The following NSMAF variants were observed in gnomAD, a reference collection of about 807,000 sequenced individuals.
NSMAF encodes neutral sphingomyelinase activation associated factor, also known as protein FAN.
NSMAF carries 90 observed loss-of-function variants against 134.9 expected under a neutral mutation model. The observed-to-expected ratio is 0.67, with a 90% CI of 0.56 to 0.79. The LOEUF is 0.79. NSMAF is among the 30% of genes least tolerant of loss of function. The pLI is 0.00. For synonymous variants in NSMAF, 358 were observed against 389.6 expected, an observed-to-expected ratio of 0.92 and a Z score of 0.96; for missense variants, 1,010 against 1,119.0, an observed-to-expected ratio of 0.90 and a Z score of 1.39.
At chr8:58,591,730 G>A (rs550658020) in intron 23 of NSMAF, among the ~76,000 whole-genome samples, 5 of 151,816 alleles carry the variant, frequency 3.3e-5, no homozygotes, top group Non-Finnish European at 7.4e-5. Flanking sequence ...CAAGTGATCC[G>A]CCCCCTTCGG....
intron 1 of NSMAF, among the ~76,000 whole-genome samples, chr8:58,643,796 G>C (rs1807386305): frequency 6.6e-6 from 1 of 152,132 alleles, no homozygotes; most frequent in Admixed American, 6.5e-5. Context: ...CTCCCAAAGT[G>C]CTGGGATTAC....
intron 1 of NSMAF, among the ~76,000 whole-genome samples, chr8:58,646,392 C>A (rs1315523190): frequency 6.6e-6 from 1 of 152,108 alleles, no homozygotes; most frequent in Non-Finnish European, 1.5e-5. Flanking sequence ...TTCTATGATG[C>A]ACAAGTAGCC....
In NSMAF at chr8:58,597,875, C is replaced by A; in HGVS notation, c.1613G>T (p.Gly538Val). Residue 538 changes from glycine (G) to valine (V), a missense_variant, in exon 20 of 31, where the codon GGT becomes GTT. Transcript: ENST00000038176. ...ATATAAGTACCTGTTCAAGTCTACA[C>A]CTCCTTCATAGGTCAGGGGATGAAA... ...NVFHPLTYEG[G>V]VDLNSIQDPD... The A allele has an allele frequency of 6.2e-7, 1 of 1,605,784 alleles. No individual in the cohort carries two copies.
At chr8:58,659,142 C>T in intron 1 of NSMAF, 2 of 1,362,062 alleles carry the variant, frequency 1.5e-6, no homozygotes, top group South Asian at 1.6e-5. Flanking sequence ...AGTGCCTGGA[C>T]CCGATTAAGG....
chr8:58,622,192 C>T (rs1051825385), intron 9 of NSMAF, among the ~76,000 whole-genome samples: 1 of 152,056 alleles, frequency 6.6e-6, no homozygotes, highest in African/African-American at 2.4e-5. Flanking sequence ...GAATTTTAAA[C>T]GGGCAGGTGA....
At chr8:58,589,225 TATAA>T (rs1410510840) in intron 26 of NSMAF, among the ~76,000 whole-genome samples, 1 of 147,646 alleles carries the variant, frequency 6.8e-6, no homozygotes. Context: ...ATAAATAATA[TATAA>T]ATATATATTA....
At position 58,623,304 on chromosome 8, in the gene NSMAF, ATAAG is replaced by A. The variant is rs769401589; in HGVS notation, c.505-36_505-33del. ...AAACAGAACCAGAAAAAAAGTATTT[ATAAG>A]TATTTATAAGTAAAATATCAATACA... On this transcript the variant is annotated intron_variant, in intron 8 of 30. Transcript: ENST00000038176. The A allele has an allele frequency of 1.3e-4, 212 of 1,596,800 alleles. 1 individual carries two copies. In the East Asian group the frequency reaches 4.7e-3, roughly 35 times the overall value.
intron 23 of NSMAF, 134 bp downstream of exon 23, chr8:58,594,098 C>A: frequency 1.4e-6 from 1 of 692,430 alleles, no homozygotes; most frequent in Non-Finnish European, 2.5e-6. Context: ...TAATGTACCA[C>A]AAAGGAACTG....
At chr8:58,616,348 G>C (rs781158603) in intron 9 of NSMAF, among the ~76,000 whole-genome samples, 1 of 151,838 alleles carries the variant, frequency 6.6e-6, no homozygotes, top group African/African-American at 2.4e-5. Context: ...CATCAATATA[G>C]ATATAAAAAT....
At chr8:58,597,571 A>G (rs1328349638) in intron 20 of NSMAF, 21 bp from the exon 21 acceptor site, 2 of 1,612,034 alleles carry the variant, frequency 1.2e-6, no homozygotes, top group African/African-American at 1.3e-5. Flanking sequence ...GAACACAAAT[A>G]ATGCAGTGAA....
At chr8:58,643,264 G>A (rs1233775790) in intron 1 of NSMAF, among the ~76,000 whole-genome samples, 191 bp from the exon 2 acceptor site, 1 of 152,162 alleles carries the variant, frequency 6.6e-6, no homozygotes, top group Non-Finnish European at 1.5e-5. Flanking sequence ...CTTGCCTTGT[G>A]TCCAAATAAC....
intron 9 of NSMAF, among the ~76,000 whole-genome samples, chr8:58,616,467 A>G (rs1003292055): frequency 1.4e-4 from 22 of 152,188 alleles, no homozygotes; most frequent in Admixed American, 1.3e-3. Flanking sequence ...AAATCAATCA[A>G]TGTAATTCAA....
At chr8:58,646,183 A>G (rs1418927522) in intron 1 of NSMAF, among the ~76,000 whole-genome samples, 1 of 152,252 alleles carries the variant, frequency 6.6e-6, no homozygotes, top group African/African-American at 2.4e-5. Context: ...TCCATGAACA[A>G]GAATCAATTA....
Position 58,601,294 on chromosome 8 carries a change from ATTCTATCTGCATTATCAAATC to A in NSMAF, c.1250_1270del (p.Arg417_Arg423del). On this transcript the variant is annotated inframe_deletion, in exon 16 of 31. Transcript: ENST00000038176. ...GGCATTTGTATCAAACCTGTTGAAC[ATTCTATCTGCATTATCAAATC>A]TTCCATTCTGCAGGCACAGCATATA... The A allele has an allele frequency of 6.2e-7, 1 of 1,613,668 alleles. No homozygotes were observed. Among genetic ancestry groups the A allele is most frequent in the Non-Finnish European group, 8.5e-7 (1 of 1,179,616 alleles).
intron 22 of NSMAF, among the ~76,000 whole-genome samples, chr8:58,595,297 C>T (rs1236090814): frequency 2.0e-5 from 3 of 152,120 alleles, no homozygotes; most frequent in African/African-American, 7.2e-5. Flanking sequence ...TGCTCTCTGC[C>T]GACCACATCT....
chr8:58,644,325 A>C (rs1248258665), intron 1 of NSMAF, among the ~76,000 whole-genome samples: 1 of 152,216 alleles, frequency 6.6e-6, no homozygotes, highest in Non-Finnish European at 1.5e-5. Context: ...GACATGAACA[A>C]ATCTGTGAGA....
chr8:58,622,017 T>C (rs1806797811), intron 9 of NSMAF, among the ~76,000 whole-genome samples: 1 of 152,212 alleles, frequency 6.6e-6, no homozygotes, highest in Admixed American at 6.5e-5. Context: ...TAATTGCTTT[T>C]GTGACTTCGT....
At chr8:58,643,206 C>A in intron 1 of NSMAF, 133 bp from the exon 2 acceptor site, 1 of 688,188 alleles carries the variant, frequency 1.5e-6, no homozygotes, top group Non-Finnish European at 2.6e-6. Flanking sequence ...GCATGTATAT[C>A]ATGCCAGGCA....
At chr8:58,596,112 G>T (rs1310198769) in intron 21 of NSMAF, among the ~76,000 whole-genome samples, 1 of 152,202 alleles carries the variant, frequency 6.6e-6, no homozygotes, top group African/African-American at 2.4e-5. Flanking sequence ...AAGAAGGGCT[G>T]AAACAATTAC....
Sources: allele counts gnomAD v4.1 joint callset (sites outside exome capture counted in the v4.1 genomes callset), GRCh38; gene constraint gnomAD v4.1.1; transcripts MANE v1.5; gene names NCBI Gene and HGNC (gene_info 2026-07-23, HGNC 2026-07-21).